The following NLRP14 variants were observed in gnomAD, a reference collection of about 807,000 sequenced individuals.
The protein encoded by NLRP14 is NACHT, LRR and PYD domains-containing protein 14.
NLRP14 carries 105 observed loss-of-function variants against 94.7 expected under a neutral mutation model. The ratio of observed to expected loss-of-function variants is 1.11; its 90% confidence interval spans 0.95 to 1.30. The LOEUF (loss-of-function observed/expected upper bound fraction) is 1.30. Ranked by LOEUF, NLRP14 falls within the 50% of genes most tolerant of loss-of-function variation. The pLI is 0.00. For missense variants in NLRP14, 1,362 were observed against 1,254.1 expected, an observed-to-expected ratio of 1.09 and a Z score of -1.30; for synonymous variants, 508 against 459.9, an observed-to-expected ratio of 1.10 and a Z score of -1.34.
At chr11:7,031,543 C>A (rs1046274131) in intron 1 of NLRP14, among the ~76,000 whole-genome samples, 2 of 152,290 alleles carry the variant, frequency 1.3e-5, no homozygotes, top group South Asian at 4.1e-4. Flanking sequence ...TGCCTGCCAA[C>A]TGTGCTTGAA....
intron 11 of NLRP14, 120 bp downstream of exon 11, chr11:7,070,576 CTT>C (rs1329936511): frequency 1.4e-6 from 1 of 702,918 alleles, no homozygotes; most frequent in Non-Finnish European, 2.5e-6. Flanking sequence ...TTTCTAGACA[CTT>C]ATTTGTTTTT....
At chr11:7,025,651 A>G (rs966338900) in intron 1 of NLRP14, among the ~76,000 whole-genome samples, 14 of 152,190 alleles carry the variant, frequency 9.2e-5, no homozygotes, top group African/African-American at 3.1e-4. Context: ...TTCTAGAAAC[A>G]TCTGTGAGGT....
chr11:7,046,927 C>A, intron 5 of NLRP14, 95 bp downstream of exon 5: 1 of 885,864 alleles, frequency 1.1e-6, no homozygotes, highest in Non-Finnish European at 1.9e-6. Flanking sequence ...CAATGCTAAA[C>A]AAATACTTAC....
the NLRP14 span, among the ~76,000 whole-genome samples, chr11:7,079,400 A>G: frequency 6.6e-6 from 1 of 152,134 alleles, no homozygotes; most frequent in Non-Finnish European, 1.5e-5. Context: ...ATCTACCACA[A>G]TTCTCTGCCA....
chr11:7,071,443 T>C lies in NLRP14; in HGVS notation c.*135T>C, dbSNP rs182689200. 4.5e-5 allele frequency: 31 copies of C among 694,324 alleles called. No homozygotes were observed. In the Admixed American group the frequency reaches 7.0e-4, roughly 16 times the overall value. The allele number at this position is 694,324 out of a possible 1,614,324, so 43.0% of individuals were successfully genotyped here. On this transcript the variant is annotated 3_prime_UTR_variant, in exon 12 of 12. Coordinates refer to ENST00000299481, the MANE Select transcript of NLRP14 (RefSeq NM_176822.4). ...GCACTTGGCAGCTGTCAGATACCAT[T>C]CATCTACTTCTCTGTAAAATGTCTG... is the stretch of plus-strand genomic sequence containing the variant.
downstream of NLRP14, among the ~76,000 whole-genome samples, chr11:7,071,770 C>G (rs552036588): frequency 5.0e-4 from 76 of 151,356 alleles, no homozygotes; most frequent in Non-Finnish European, 7.7e-4. Context: ...AATGGAGATT[C>G]CTGAACCCCA....
intron 4 of NLRP14, among the ~76,000 whole-genome samples, chr11:7,046,410 CTAAAG>C (rs1160051547): frequency 6.6e-6 from 1 of 152,154 alleles, no homozygotes; most frequent in African/African-American, 2.4e-5. Flanking sequence ...GTTGCTTCCT[CTAAAG>C]TAAAGCTTCT....
At chr11:7,070,162 A>G in intron 10 of NLRP14, 124 bp from the exon 11 acceptor site, 1 of 713,244 alleles carries the variant, frequency 1.4e-6, no homozygotes, top group South Asian at 1.5e-5. Flanking sequence ...TTGAATTTAT[A>G]CTAACTGTGC....
the NLRP14 span, chr11:7,090,167 G>A: frequency 6.2e-6 from 10 of 1,613,856 alleles, no homozygotes; most frequent in Admixed American, 1.5e-4. Flanking sequence ...CAGATCGTGG[G>A]CTCTCTCTGT....
the NLRP14 span, among the ~76,000 whole-genome samples, chr11:7,083,178 T>C: frequency 6.6e-6 from 1 of 152,236 alleles, no homozygotes; most frequent in African/African-American, 2.4e-5. Flanking sequence ...GGAATCTATC[T>C]AGGAGATGCT....
intron 9 of NLRP14, among the ~76,000 whole-genome samples, chr11:7,060,410 T>C (rs749559051): frequency 1.3e-5 from 2 of 151,972 alleles, no homozygotes; most frequent in Non-Finnish European, 2.9e-5. Context: ...TTCTCTTAGA[T>C]TTATATTTAA....
rs1253520141 is a variant in NLRP14, at chr11:7,042,694, A to G, written c.668A>G (p.Gln223Arg). ...VFYLNGREIN[Q>R]LKERSFAQLI... ...TATCTCAATGGGAGAGAAATTAACC[A>G]GCTGAAAGAGAGAAGCTTTGCTCAA... is the stretch of plus-strand genomic sequence containing the variant. Residue 223 changes from glutamine (Q) to arginine (R), a missense_variant, in exon 4 of 12, where the codon CAG becomes CGG. Gln to Arg is a conservative substitution (Grantham distance 43). Transcript: ENST00000299481. 3 of 1,614,246 alleles carry G rather than the reference A, an allele frequency of 1.9e-6. No individual in the cohort carries two copies. The highest frequency in any genetic ancestry group is 2.5e-6 in the Non-Finnish European group (3 of 1,180,038).
At position 7,067,218 on chromosome 11, in the gene NLRP14, G is replaced by A. The variant is rs1003554341; in HGVS notation, c.2976-3068G>A. On this transcript the variant is annotated intron_variant, in intron 10 of 11. Transcript: ENST00000299481. ...TTGGTTCCACATGAAATTTAAAGTA[G>A]TTTTTTCTAATTCTGTAAAGAAAGT... Among the ~76,000 whole-genome samples the A allele has an allele frequency of 2.0e-5, 3 of 152,088 alleles. No individual in the cohort carries two copies. The East Asian group carries it at 5.8e-4, about 29-fold the overall frequency.
the NLRP14 span, among the ~76,000 whole-genome samples, chr11:7,085,639 C>T: frequency 1.3e-5 from 2 of 150,240 alleles, no homozygotes; most frequent in African/African-American, 2.4e-5. Flanking sequence ...GTTCCAGGAC[C>T]ACCAAGGATA....
chr11:7,044,401 C>T (rs1385320286), intron 4 of NLRP14, among the ~76,000 whole-genome samples: 1 of 152,078 alleles, frequency 6.6e-6, no homozygotes, highest in Non-Finnish European at 1.5e-5. Context: ...TCTGCTGAAC[C>T]TGGTAAACAC....
the NLRP14 span, among the ~76,000 whole-genome samples, chr11:7,078,529 C>T: frequency 1.3e-5 from 2 of 150,000 alleles, no homozygotes; most frequent in Non-Finnish European, 3.0e-5. Context: ...GTGGCTCACA[C>T]CTGTAATCCC....
chr11:7,040,953 T>C (rs921025632), intron 3 of NLRP14, among the ~76,000 whole-genome samples: 1 of 152,190 alleles, frequency 6.6e-6, no homozygotes, highest in African/African-American at 2.4e-5. Context: ...TGCACACAGA[T>C]AGCTAATAAA....
downstream of NLRP14, among the ~76,000 whole-genome samples, chr11:7,072,713 A>G (rs1346358715): frequency 6.6e-6 from 1 of 152,138 alleles, no homozygotes; most frequent in African/African-American, 2.4e-5. Context: ...CCCCAGAGGA[A>G]GGTCATATAC....
At position 7,039,728 on chromosome 11, in the gene NLRP14, A is replaced by C; in HGVS notation, c.304A>C (p.Ile102Leu). 6.2e-7 allele frequency: 1 copy of C among 1,613,846 alleles called. No homozygotes were observed. The highest frequency in any genetic ancestry group is 8.5e-7 in the Non-Finnish European group (1 of 1,179,736). ...ACCTGTTGCAGGGTCGGCCCAGACT[A>C]TAGGACCAGATGATGCCAAGGCTGG... ...KEEINWSAQTIGPDDAKAGET... is the reference protein window; with the variant it reads ...KEEINWSAQTLGPDDAKAGET... Residue 102 changes from isoleucine (I) to leucine (L), a missense_variant, in exon 3 of 12, where the codon ATA (isoleucine) becomes CTA (leucine). By Grantham distance (5) the Ile-to-Leu change is conservative. Transcript: ENST00000299481.
Sources: allele counts gnomAD v4.1 joint callset (sites outside exome capture counted in the v4.1 genomes callset), GRCh38; gene constraint gnomAD v4.1.1; transcripts MANE v1.5; gene names NCBI Gene and HGNC (gene_info 2026-07-23, HGNC 2026-07-21).